RAB40B: variants seen among roughly 807,000 people sequenced by gnomAD.
RAB40B encodes RAB40B, member RAS oncogene family.
RAB40B carries 21 observed loss-of-function variants against 24.0 expected under a neutral mutation model. The observed-to-expected ratio is 0.88, with a 90% confidence interval of 0.62 to 1.26. RAB40B has a LOEUF of 1.26. Among genes scored for constraint, RAB40B ranks in the 50% most tolerant of loss-of-function variants. The pLI, the probability that RAB40B is intolerant of heterozygous loss-of-function variation, is 0.00. For missense variants in RAB40B, 348 were observed against 390.5 expected (o/e 0.89, Z 0.92); for synonymous variants, 167 against 169.8 (o/e 0.98, Z 0.13).
intron 1 of RAB40B, among the ~76,000 whole-genome samples, chr17:82,674,758 G>A (rs1289583213): frequency 7.9e-5 from 12 of 152,282 alleles, no homozygotes; most frequent in South Asian, 2.1e-4. Flanking sequence ...CGCAGGCAAC[G>A]TTCGTATGGT....
In RAB40B at chr17:82,660,713, C is replaced by T. The variant is rs142051710; in HGVS notation, c.264+274G>A. Among the ~76,000 whole-genome samples the T allele has an allele frequency of 2.0e-5, 3 of 152,070 alleles. No homozygotes were observed. The East Asian group carries it at 5.8e-4, about 29-fold the overall frequency. ...ACACACACACACACACACAGGCACT[C>T]ATGCACAGATGCACGCATACACAGT... On this transcript the variant is annotated intron_variant, in intron 3 of 5. Transcript: ENST00000571995.
At chr17:82,691,092 G>A (rs1000966077) in intron 1 of RAB40B, among the ~76,000 whole-genome samples, 3 of 152,208 alleles carry the variant, frequency 2.0e-5, no homozygotes, top group Non-Finnish European at 2.9e-5. Context: ...CCTGCACCCC[G>A]GTGTGTCCAC....
At chr17:82,687,033 G>A (rs141785750) in intron 1 of RAB40B, among the ~76,000 whole-genome samples, 1 of 152,154 alleles carries the variant, frequency 6.6e-6, no homozygotes, top group African/African-American at 2.4e-5. Context: ...TGGGGGGAAG[G>A]GTGCTCAGAG....
At position 82,675,638 on chromosome 17, in the gene RAB40B, G is replaced by C. The variant is rs956116771; in HGVS notation, c.143-11082C>G. Reference sequence around the variant, plus strand: ...CAAGGTCCAGGCAGAGCCAGTGTCTGACGAGGGCTGCATCCTGGTTCATGG... The same window carrying C: ...CAAGGTCCAGGCAGAGCCAGTGTCTCACGAGGGCTGCATCCTGGTTCATGG... On this transcript the variant is annotated intron_variant, in intron 1 of 5. Coordinates refer to ENST00000571995, the MANE Select transcript of RAB40B (RefSeq NM_006822.3). This position sits in a 1 kb window ranked among gnomAD's most constrained non-coding sequence, Gnocchi z 4.5. Among the ~76,000 whole-genome samples, 1 of 152,190 alleles carries C rather than the reference G, an allele frequency of 6.6e-6. No individual in the cohort carries two copies. The highest frequency in any genetic ancestry group is 2.4e-5 in the African/African-American group (1 of 41,438).
chr17:82,658,360 T>C (rs1336264793), intron 5 of RAB40B, 131 bp downstream of exon 5: 1 of 1,145,094 alleles, frequency 8.7e-7, no homozygotes, highest in Admixed American at 2.3e-5. Flanking sequence ...TTCTCTCAAA[T>C]GCCTTGCTCT....
chr17:82,667,718 G>A lies in RAB40B; in HGVS notation c.143-3162C>T. On this transcript the variant is annotated intron_variant, in intron 1 of 5. Transcript: ENST00000571995. This position sits in a 1 kb window ranked among gnomAD's most constrained non-coding sequence, Gnocchi z 4.3. ...ACCAGAGCAAACTCCCCCCGTCAGAGGAGAGTGATTCAGAGGACAAAAGAT... is the reference window on the plus strand; with the variant it reads ...ACCAGAGCAAACTCCCCCCGTCAGAAGAGAGTGATTCAGAGGACAAAAGAT... 6.6e-6 allele frequency among the ~76,000 whole-genome samples: 1 copy of A among 152,166 alleles called. No homozygotes were observed. The highest frequency in any genetic ancestry group is 2.1e-4 in the South Asian group (1 of 4,826).
chr17:82,661,617 C>T (rs1312258277), intron 2 of RAB40B, among the ~76,000 whole-genome samples: 5 of 152,122 alleles, frequency 3.3e-5, no homozygotes, highest in Non-Finnish European at 5.9e-5. Context: ...CCGGGCTTGG[C>T]GGCTCACACC....
chr17:82,693,659 C>T (rs1248898208), intron 1 of RAB40B, among the ~76,000 whole-genome samples: 1 of 152,152 alleles, frequency 6.6e-6, no homozygotes, highest in African/African-American at 2.4e-5. Context: ...TGCCCGTCAC[C>T]CGCAGGATGG....
At chr17:82,681,432 G>A (rs1400464642) in intron 1 of RAB40B, among the ~76,000 whole-genome samples, 1 of 152,086 alleles carries the variant, frequency 6.6e-6, no homozygotes, top group Non-Finnish European at 1.5e-5. Flanking sequence ...CAGACACTGG[G>A]TAGGGAAAAA....
chr17:82,679,248 A>G (rs983431260), intron 1 of RAB40B, among the ~76,000 whole-genome samples: 2 of 151,048 alleles, frequency 1.3e-5, no homozygotes, highest in Non-Finnish European at 2.9e-5. Flanking sequence ...CCTGAAGGAC[A>G]CCACAAGCCT....
intron 1 of RAB40B, among the ~76,000 whole-genome samples, chr17:82,693,523 A>G (rs912726182): frequency 6.6e-6 from 1 of 152,186 alleles, no homozygotes; most frequent in Non-Finnish European, 1.5e-5. Flanking sequence ...CTGTGCAGAC[A>G]TTTGCGTGCC....
At chr17:82,698,234 G>C (rs1447870188) in intron 1 of RAB40B, among the ~76,000 whole-genome samples, 1 of 151,744 alleles carries the variant, frequency 6.6e-6, no homozygotes, top group African/African-American at 2.4e-5. Flanking sequence ...CGAGGGCCAG[G>C]GCCGGGCGGA....
At chr17:82,696,235 T>C (rs370400007) in intron 1 of RAB40B, among the ~76,000 whole-genome samples, 66 of 152,284 alleles carry the variant, frequency 4.3e-4, no homozygotes, top group African/African-American at 1.4e-3. Flanking sequence ...TTACAAAGCA[T>C]TGGACCATTG....
At position 82,657,854 on chromosome 17, in the gene RAB40B, G is replaced by C; in HGVS notation, c.*9C>G. 2.5e-6 allele frequency: 4 copies of C among 1,603,236 alleles called. No homozygotes were observed. The highest frequency in any genetic ancestry group is 3.4e-6 in the Non-Finnish European group (4 of 1,175,510). On this transcript the variant is annotated 3_prime_UTR_variant, in exon 6 of 6. Transcript: ENST00000571995. ...GAGAGATTCCGCCGTGTTTCTTTCA[G>C]TGCCTTCCTTAAGAAATTTTGCAGC... is the stretch of plus-strand genomic sequence containing the variant.
intron 1 of RAB40B, among the ~76,000 whole-genome samples, chr17:82,671,623 T>C (rs12947930): frequency 0.012 from 656 of 53,054 alleles, no homozygotes; most frequent in South Asian, 0.028. Context: ...CTGACACAGC[T>C]CACCCCGTAA....
chr17:82,671,196 CG>C (rs1384535480), intron 1 of RAB40B, among the ~76,000 whole-genome samples: 1 of 41,676 alleles, frequency 2.4e-5, no homozygotes, highest in Non-Finnish European at 5.2e-5. Context: ...ACCCCACCCC[CG>C]TAACTCTAAC....
At chr17:82,659,710 G>A (rs2046137298) in intron 3 of RAB40B, 53 bp from the exon 4 acceptor site, 2 of 1,459,644 alleles carry the variant, frequency 1.4e-6, no homozygotes, top group Middle Eastern at 1.7e-4. Flanking sequence ...AGGCACAGCT[G>A]TGGCCATGCA....
At chr17:82,659,752 CTTATT>C (rs1598293201) in intron 3 of RAB40B, 95 bp from the exon 4 acceptor site, 6 of 918,314 alleles carry the variant, frequency 6.5e-6, no homozygotes, top group East Asian at 5.0e-5. Flanking sequence ...AACCACTTTC[CTTATT>C]TTAACACAAA....
chr17:82,694,082 CAA>C (rs34066713), intron 1 of RAB40B, among the ~76,000 whole-genome samples: 22 of 118,904 alleles, frequency 1.9e-4, no homozygotes, highest in Admixed American at 3.2e-4. Flanking sequence ...GACTCCATCT[CAA>C]AAAAAAAAAA....
Sources: allele counts gnomAD v4.1 joint callset (sites outside exome capture counted in the v4.1 genomes callset), GRCh38; gene constraint gnomAD v4.1.1; non-coding constraint Gnocchi (gnomAD v3.1); transcripts MANE v1.5; gene names NCBI Gene and HGNC (gene_info 2026-07-23, HGNC 2026-07-21).